WWP2: variants seen among roughly 807,000 people sequenced by gnomAD.
The protein encoded by WWP2 is WW domain containing E3 ubiquitin protein ligase 2.
In WWP2, 57 loss-of-function variants were observed where a neutral mutation model predicts 121.0. The ratio of observed to expected loss-of-function variants is 0.47; its 90% CI spans 0.38 to 0.59. The LOEUF is 0.59. Ranked by LOEUF, WWP2 falls within the 20% of genes least tolerant of loss-of-function variation. The pLI is 0.00. For missense variants in WWP2, 962 were observed against 1,158.9 expected (o/e 0.83, Z 2.47); for synonymous variants, 449 against 441.3 (o/e 1.02, Z -0.22).
chr16:69,899,736 A>G (rs1459297124), intron 8 of WWP2, among the ~76,000 whole-genome samples: 4 of 151,554 alleles, frequency 2.6e-5, no homozygotes, highest in African/African-American at 9.7e-5. Context: ...CAAAAAAAAA[A>G]AAAAAAAAAA....
At chr16:69,932,234 C>G (rs571758387) in intron 16 of WWP2, among the ~76,000 whole-genome samples, 1 of 152,204 alleles carries the variant, frequency 6.6e-6, no homozygotes, top group Non-Finnish European at 1.5e-5. Context: ...GAGGCTGAGG[C>G]GGGAGAATCG....
chr16:69,886,457 A>G (rs1028588948), intron 7 of WWP2, among the ~76,000 whole-genome samples: 1 of 151,526 alleles, frequency 6.6e-6, no homozygotes, highest in Admixed American at 6.6e-5. Flanking sequence ...TGAAGAAAAA[A>G]AAAAACCAAA....
At chr16:69,783,393 G>A (rs575313979) in intron 1 of WWP2, among the ~76,000 whole-genome samples, 4 of 152,138 alleles carry the variant, frequency 2.6e-5, no homozygotes, top group Non-Finnish European at 5.9e-5. Flanking sequence ...GTCAGGCACC[G>A]GGCTTGGTGG....
intron 2 of WWP2, among the ~76,000 whole-genome samples, chr16:69,790,314 A>G (rs903597410): frequency 6.6e-6 from 1 of 152,182 alleles, no homozygotes; most frequent in African/African-American, 2.4e-5. Flanking sequence ...TGTATTATAT[A>G]CTGTATTTTT....
chr16:69,856,437 A>G (rs1240023717), intron 6 of WWP2, among the ~76,000 whole-genome samples: 3 of 152,158 alleles, frequency 2.0e-5, no homozygotes, highest in African/African-American at 7.2e-5. Flanking sequence ...GAAAGGGTAA[A>G]TTTTACTCTA....
chr16:69,807,046 G>A (rs1421645788), intron 4 of WWP2, among the ~76,000 whole-genome samples: 2 of 125,020 alleles, frequency 1.6e-5, no homozygotes, highest in African/African-American at 6.1e-5. Context: ...TTTTTTTTTT[G>A]AGATGGAGTT....
intron 8 of WWP2, among the ~76,000 whole-genome samples, chr16:69,903,227 C>T (rs1160041556): frequency 6.6e-6 from 1 of 152,130 alleles, no homozygotes; most frequent in Non-Finnish European, 1.5e-5. Flanking sequence ...CCTCTGAAGA[C>T]CTGCTGAAAC....
At chr16:69,771,481 A>C (rs958504237) in intron 1 of WWP2, among the ~76,000 whole-genome samples, 15 of 152,116 alleles carry the variant, frequency 9.9e-5, no homozygotes, top group Non-Finnish European at 2.1e-4. Flanking sequence ...TCCTGACCTC[A>C]AGTGATCCAC....
At chr16:69,819,302 A>G (rs1364809233) in intron 4 of WWP2, among the ~76,000 whole-genome samples, 1 of 152,214 alleles carries the variant, frequency 6.6e-6, no homozygotes, top group African/African-American at 2.4e-5. Flanking sequence ...TTGCTACTCC[A>G]TAAAAACCAA....
intron 21 of WWP2, 72 bp from the exon 22 acceptor site, chr16:69,938,955 A>T (rs2058838644): frequency 7.0e-7 from 1 of 1,425,630 alleles, no homozygotes; most frequent in Non-Finnish European, 9.7e-7. Flanking sequence ...GCTGAGCTAG[A>T]GAGCTCCACG....
chr16:69,927,896 G>A (rs984005697), intron 11 of WWP2, among the ~76,000 whole-genome samples: 6 of 152,258 alleles, frequency 3.9e-5, no homozygotes, highest in African/African-American at 9.6e-5. Context: ...TCCTGGGCTC[G>A]AGCGATCCTC....
chr16:69,882,825 T>C lies in WWP2; in HGVS notation c.704-5214T>C, dbSNP rs113708916. Among the ~76,000 whole-genome samples the C allele has an allele frequency of 3.1e-3, 467 of 152,264 alleles. 8 individuals are homozygous for C. The highest frequency in any genetic ancestry group is 0.01 in the African/African-American group (427 of 41,548). ...ACATCAAATAATTAGGATTAAAAGT[T>C]AGAGAACATTGGCTATATTGAATAC... On this transcript the variant is annotated intron_variant, in intron 7 of 23. Coordinates refer to ENST00000359154, the MANE Select transcript of WWP2 (RefSeq NM_001270454.2).
At chr16:69,930,916 G>C (rs1195916060) in intron 13 of WWP2, among the ~76,000 whole-genome samples, 2 of 152,052 alleles carry the variant, frequency 1.3e-5, no homozygotes, top group Non-Finnish European at 2.9e-5. Context: ...GGGGAGGAAG[G>C]GACTATCCTG....
chr16:69,856,500 G>T (rs983312652), intron 6 of WWP2, among the ~76,000 whole-genome samples: 3 of 152,186 alleles, frequency 2.0e-5, no homozygotes, highest in African/African-American at 4.8e-5. Flanking sequence ...TTGGTGGCCA[G>T]GTGCGGTGGC....
At chr16:69,852,545 A>T (rs111662567) in intron 6 of WWP2, among the ~76,000 whole-genome samples, 5 of 152,170 alleles carry the variant, frequency 3.3e-5, no homozygotes, top group African/African-American at 1.2e-4. Flanking sequence ...AAGTGCTGGG[A>T]TTACAGGCAT....
At chr16:69,888,881 T>A (rs1040436668) in intron 8 of WWP2, among the ~76,000 whole-genome samples, 2 of 152,146 alleles carry the variant, frequency 1.3e-5, no homozygotes, top group Admixed American at 1.3e-4. Flanking sequence ...TTTTTTTGTA[T>A]TTTTAGTAGA....
chr16:69,831,038 A>G (rs1188181529), intron 4 of WWP2, among the ~76,000 whole-genome samples: 1 of 152,086 alleles, frequency 6.6e-6, no homozygotes, highest in Non-Finnish European at 1.5e-5. Context: ...TGATGGGCCT[A>G]TGGGATTGAG....
intron 8 of WWP2, among the ~76,000 whole-genome samples, chr16:69,901,503 C>T (rs1461069396): frequency 6.6e-6 from 1 of 152,120 alleles, no homozygotes; most frequent in African/African-American, 2.4e-5. Flanking sequence ...AGCTCTGCCT[C>T]CCGGGTTCAT....
intron 10 of WWP2, among the ~76,000 whole-genome samples, chr16:69,919,581 C>T (rs187617278): frequency 6.2e-4 from 95 of 152,322 alleles, no homozygotes; most frequent in African/African-American, 2.2e-3. Context: ...CTGCTGGAGT[C>T]TCCATCCCAT....
Sources: gnomAD v4.1 joint callset for allele counts (sites outside exome capture counted in the v4.1 genomes callset) on GRCh38, gnomAD v4.1.1 for gene constraint, MANE v1.5 for transcripts, NCBI Gene and HGNC (gene_info 2026-07-23, HGNC 2026-07-21) for gene names.